The following ARNT2 variants were observed in gnomAD, a reference collection of about 807,000 sequenced individuals.
The protein encoded by ARNT2 is aryl hydrocarbon receptor nuclear translocator 2.
A neutral mutation model predicts 91.7 loss-of-function variants in ARNT2; 36 were observed. The ratio of observed to expected loss-of-function variants is 0.39; its 90% CI spans 0.30 to 0.52. ARNT2 has a LOEUF of 0.52. Ranked by LOEUF, ARNT2 falls within the 20% of genes least tolerant of loss-of-function variation. The pLI is 0.72. For missense variants in ARNT2, 775 were observed against 939.3 expected, an observed-to-expected ratio of 0.83 and a Z score of 2.29; for synonymous variants, 365 against 347.1, an observed-to-expected ratio of 1.05 and a Z score of -0.57.
At chr15:80,551,339 A>G (rs1449425894) in intron 9 of ARNT2, 64 bp downstream of exon 9, 6 of 1,483,884 alleles carry the variant, frequency 4.0e-6, no homozygotes, top group Non-Finnish European at 5.6e-6. Context: ...AGTGCAGAAG[A>G]CTGTCGGTTT....
chr15:80,487,629 T>C (rs542561844), intron 5 of ARNT2: 1 of 152,440 alleles, frequency 6.6e-6, no homozygotes, highest in African/African-American at 2.4e-5. Flanking sequence ...TACTTGACCA[T>C]TGTGCCTACA....
In ARNT2 at chr15:80,597,051, T is replaced by G; in HGVS notation, c.*3353T>G. The G allele has an allele frequency of 2.1e-6, 1 of 466,764 alleles. No homozygotes were observed. The highest frequency in any genetic ancestry group is 4.3e-6 in the Non-Finnish European group (1 of 233,856). The allele number at this position is 466,764 out of a possible 1,614,324, so 28.9% of individuals were successfully genotyped here. A position where few individuals can be genotyped will look rare whatever the true frequency, so the allele number is the denominator to read the frequency against. On this transcript the variant is annotated 3_prime_UTR_variant, in exon 19 of 19. Coordinates refer to ENST00000303329, the MANE Select transcript of ARNT2 (RefSeq NM_014862.4). ...CATGAGACGTGAATGTTGCAGAGAG[T>G]GGGGGGATTCTGGTTGTTAAGGAAC...
intron 6 of ARNT2, among the ~76,000 whole-genome samples, chr15:80,512,496 T>C (rs1897359197): frequency 6.6e-6 from 1 of 152,194 alleles, no homozygotes; most frequent in African/African-American, 2.4e-5. Context: ...TGCCTGCCCC[T>C]CTTTCAGCAG....
intron 5 of ARNT2, among the ~76,000 whole-genome samples, chr15:80,477,325 C>T (rs1896822574): frequency 6.6e-6 from 1 of 152,248 alleles, no homozygotes. Context: ...GGCCTACTTT[C>T]TAGATGTTGC....
chr15:80,498,114 C>A (rs1288373600), intron 5 of ARNT2, among the ~76,000 whole-genome samples: 1 of 152,158 alleles, frequency 6.6e-6, no homozygotes, highest in African/African-American at 2.4e-5. Flanking sequence ...TCTGACTCTA[C>A]CTGAGGGTTA....
At chr15:80,562,680 T>C (rs1898387861) in intron 11 of ARNT2, among the ~76,000 whole-genome samples, 1 of 152,136 alleles carries the variant, frequency 6.6e-6, no homozygotes, top group Admixed American at 6.5e-5. Context: ...ATGAATACAA[T>C]GTAGCTACAT....
At position 80,593,866 on chromosome 15, in the gene ARNT2, G is replaced by A. The variant is rs898560473; in HGVS notation, c.*168G>A. The A allele has an allele frequency of 4.9e-6, 3 of 614,990 alleles. No homozygotes were observed. The African/African-American group carries it at 5.5e-5, about 11-fold the overall frequency. The allele number at this position is 614,990 out of a possible 1,614,324, so 38.1% of individuals were successfully genotyped here. A position where few individuals can be genotyped will look rare whatever the true frequency, so the allele number is the denominator to read the frequency against. ...GCGCATCATTGCTCCACTCTCCCCT[G>A]CAGCCGCGGCTGCTCGGCCACTGAC... On this transcript the variant is annotated 3_prime_UTR_variant, in exon 19 of 19. Transcript: ENST00000303329.
intron 8 of ARNT2, among the ~76,000 whole-genome samples, chr15:80,516,828 A>AACATATATATATATAT (rs1555411355): frequency 2.7e-5 from 2 of 74,800 alleles, no homozygotes; most frequent in Non-Finnish European, 5.3e-5. Flanking sequence ...TACAATTACA[A>AACATATATATATATAT]ATATATATAT....
intron 14 of ARNT2, among the ~76,000 whole-genome samples, chr15:80,576,140 C>T (rs1029963259): frequency 3.3e-5 from 5 of 152,196 alleles, no homozygotes; most frequent in African/African-American, 1.2e-4. Flanking sequence ...AGATGGGATT[C>T]AGACCCAGAG....
At chr15:80,473,482 G>C (rs74027981) in intron 4 of ARNT2, among the ~76,000 whole-genome samples, 4 of 152,034 alleles carry the variant, frequency 2.6e-5, no homozygotes, top group African/African-American at 9.7e-5. Context: ...ACTTCCCCAG[G>C]CACCCTCTTC....
chr15:80,458,741 A>T (rs1896513893), intron 3 of ARNT2, among the ~76,000 whole-genome samples: 1 of 151,892 alleles, frequency 6.6e-6, no homozygotes, highest in Non-Finnish European at 1.5e-5. Context: ...AAATCATTCC[A>T]TCATTCTTAG....
chr15:80,575,160 C>G (rs1360186208), intron 14 of ARNT2, 50 bp downstream of exon 14: 3 of 1,600,318 alleles, frequency 1.9e-6, no homozygotes. Context: ...TTTACAGTTG[C>G]TTTCAGGCCA....
intron 11 of ARNT2, chr15:80,562,804 A>G (rs1596015826): frequency 2.3e-6 from 1 of 438,156 alleles, no homozygotes; most frequent in Non-Finnish European, 4.1e-6. Flanking sequence ...TCTCATTTGT[A>G]AAAGCTAAAT....
At chr15:80,577,100 A>G (rs1898690901) in intron 15 of ARNT2, 135 bp downstream of exon 15, 2 of 812,910 alleles carry the variant, frequency 2.5e-6, no homozygotes, top group African/African-American at 1.7e-5. Flanking sequence ...GACTAAACTG[A>G]GGATTCTGGT....
chr15:80,436,815 T>A (rs554651599), intron 1 of ARNT2, among the ~76,000 whole-genome samples: 6 of 152,354 alleles, frequency 3.9e-5, no homozygotes, highest in Non-Finnish European at 7.3e-5. Flanking sequence ...GGGTTTTGCA[T>A]AATTGAGAAG....
chr15:80,443,456 G>A (rs1021682058), intron 1 of ARNT2, among the ~76,000 whole-genome samples: 3 of 152,128 alleles, frequency 2.0e-5, no homozygotes, highest in Non-Finnish European at 2.9e-5. Context: ...GGAAGGTCAG[G>A]GGCGTCCTGA....
intron 8 of ARNT2, among the ~76,000 whole-genome samples, chr15:80,540,344 G>A (rs1897886655): frequency 6.6e-6 from 1 of 152,124 alleles, no homozygotes; most frequent in Admixed American, 6.6e-5. Flanking sequence ...AATTATGATA[G>A]CCATCTTAAT....
chr15:80,427,103 C>G (rs72745632), intron 1 of ARNT2, among the ~76,000 whole-genome samples: 28,196 of 152,062 alleles, frequency 0.19, 2,793 homozygotes, highest in East Asian at 0.29. Context: ...TCCCTACCAC[C>G]AGCTCAAAAT....
At chr15:80,492,965 A>G (rs1011368394) in intron 5 of ARNT2, among the ~76,000 whole-genome samples, 7 of 152,234 alleles carry the variant, frequency 4.6e-5, no homozygotes, top group African/African-American at 1.7e-4. Context: ...TACTGCTGCT[A>G]TAACAGAATA....
Sources: gnomAD v4.1 joint callset for allele counts (sites outside exome capture counted in the v4.1 genomes callset) on GRCh38, gnomAD v4.1.1 for gene constraint, MANE v1.5 for transcripts, NCBI Gene and HGNC (gene_info 2026-07-23, HGNC 2026-07-21) for gene names.